Variants in CRIM1 observed in about 807,000 individuals in gnomAD.
The protein encoded by CRIM1 is cysteine rich transmembrane BMP regulator 1, also known as cysteine-rich motor neuron 1 protein.
In CRIM1, 32 loss-of-function variants were observed where a neutral mutation model predicts 116.4. The ratio of observed to expected loss-of-function variants is 0.27; its 90% CI spans 0.21 to 0.37. CRIM1 has a LOEUF of 0.37. Ranked by LOEUF, CRIM1 falls within the 10% of genes least tolerant of loss-of-function variation. The probability of loss-of-function intolerance (pLI) is 1.00; values close to 1 mark genes in which losing one functional copy is unlikely to be tolerated. For synonymous variants in CRIM1, 590 were observed against 509.2 expected, an observed-to-expected ratio of 1.16 and a Z score of -2.13; for missense variants, 1,331 against 1,354.8, an observed-to-expected ratio of 0.98 and a Z score of 0.28.
intron 14 of CRIM1, among the ~76,000 whole-genome samples, chr2:36,541,697 A>G (rs992443232): frequency 6.6e-6 from 1 of 152,218 alleles, no homozygotes; most frequent in Non-Finnish European, 1.5e-5. Flanking sequence ...GCGCAGGTCA[A>G]GTATGAGCAC....
intron 9 of CRIM1, 28 bp downstream of exon 9, chr2:36,510,167 A>G (rs768277117): frequency 1.3e-6 from 2 of 1,597,262 alleles, no homozygotes; most frequent in African/African-American, 1.3e-5. Flanking sequence ...CAGAAAAGCT[A>G]TTATGAAGTG....
At chr2:36,513,799 G>C in intron 11 of CRIM1, 34 bp downstream of exon 11, 1 of 1,590,846 alleles carries the variant, frequency 6.3e-7, no homozygotes, top group Non-Finnish European at 8.6e-7. Context: ...TGCTCCATAA[G>C]CAAATGACTT....
chr2:36,356,712 T>C lies in CRIM1; in HGVS notation c.331+89T>C, dbSNP rs1050730549. Reference sequence around the variant, plus strand: ...GCCGAACAAAGTTTGGGCGAGACTTTCTGGAGGAAAGAGGGCTCTGCGGGA... The same window carrying C: ...GCCGAACAAAGTTTGGGCGAGACTTCCTGGAGGAAAGAGGGCTCTGCGGGA... On this transcript the variant is annotated intron_variant, in intron 1 of 16. Transcript: ENST00000280527. The surrounding 1 kb of genome is among the most constrained non-coding windows in gnomAD (Gnocchi z 4.3). 6 of 1,332,050 alleles carry C rather than the reference T, an allele frequency of 4.5e-6. No individual in the cohort carries two copies. Among genetic ancestry groups the C allele is most frequent in the Admixed American group, 4.5e-5 (2 of 44,464 alleles). 82.5% of individuals were successfully genotyped at this position (1,332,050 alleles called of 1,614,324 possible).
At chr2:36,542,366 T>C (rs896923818) in intron 14 of CRIM1, among the ~76,000 whole-genome samples, 2 of 152,238 alleles carry the variant, frequency 1.3e-5, no homozygotes, top group African/African-American at 4.8e-5. Context: ...CTTCTAACTT[T>C]CCCTGCTGTT....
At chr2:36,441,596 A>G (rs1221174541) in intron 3 of CRIM1, 96 bp downstream of exon 3, 1 of 1,467,394 alleles carries the variant, frequency 6.8e-7, no homozygotes. Flanking sequence ...TCACACGAAG[A>G]TGGGCCTTCT....
chr2:36,475,755 C>A (rs1678923882), intron 5 of CRIM1, among the ~76,000 whole-genome samples: 1 of 152,156 alleles, frequency 6.6e-6, no homozygotes, highest in African/African-American at 2.4e-5. Flanking sequence ...AAGTTCCGTT[C>A]TATTCCTAGT....
chr2:36,517,377 G>A lies in CRIM1; in HGVS notation c.2041G>A (p.Ala681Thr), dbSNP rs757763520. Residue 681 changes from alanine (A) to threonine (T), a missense_variant, in exon 12 of 17, where the codon GCC becomes ACC. Coordinates refer to ENST00000280527, the MANE Select transcript of CRIM1 (RefSeq NM_016441.3). ...GCTCAGTACTCCCTCCATTTGCCAC[G>A]CCCCTGGAGGAGAATACTTTGTGGA... The part of the protein sequence containing the change: ...PELSTPSICH[A>T]PGGEYFVEGE... 1.9e-5 allele frequency: 31 copies of A among 1,614,044 alleles called. No homozygotes were observed. The Admixed American group carries it at 2.7e-4, about 14-fold the overall frequency.
At chr2:36,393,915 G>T (rs139748630) in intron 1 of CRIM1, among the ~76,000 whole-genome samples, 172 of 152,310 alleles carry the variant, frequency 1.1e-3, no homozygotes, top group African/African-American at 3.9e-3. Flanking sequence ...GCAGTAAGAA[G>T]CTGGGACATT....
rs560250368 is a variant in CRIM1, at chr2:36,549,992, C to G, written c.*1291C>G. ...ACAAATTTTTTGAATAACACAAAAT[C>G]TCATTCTACCTGCAGTTTAATTGGA... is the stretch of plus-strand genomic sequence containing the variant. On this transcript the variant is annotated 3_prime_UTR_variant, in exon 17 of 17. Transcript: ENST00000280527. 1 of 152,522 alleles carries G rather than the reference C, an allele frequency of 6.6e-6. No homozygotes were observed. Among genetic ancestry groups the G allele is most frequent in the Admixed American group, 6.6e-5 (1 of 15,252 alleles). The allele number at this position is 152,522 out of a possible 1,614,324, so 9.4% of individuals were successfully genotyped here. A position where few individuals can be genotyped will look rare whatever the true frequency, so the allele number is the denominator to read the frequency against.
intron 5 of CRIM1, among the ~76,000 whole-genome samples, chr2:36,475,853 CTTA>C (rs1678934723): frequency 6.6e-6 from 1 of 152,076 alleles, no homozygotes; most frequent in South Asian, 2.1e-4. Context: ...GCTTTTTTTC[CTTA>C]TTGTGTGACA....
At chr2:36,414,604 C>T (rs2192920) in intron 2 of CRIM1, among the ~76,000 whole-genome samples, 30,318 of 152,072 alleles carry the variant, frequency 0.2, 4,190 homozygotes, top group East Asian at 0.55. Flanking sequence ...GAAAGTCTCT[C>T]CTCTGAAGAG....
At chr2:36,380,475 A>G (rs761992999) in intron 1 of CRIM1, among the ~76,000 whole-genome samples, 1 of 152,102 alleles carries the variant, frequency 6.6e-6, no homozygotes, top group African/African-American at 2.4e-5. Context: ...GCTTAATTTC[A>G]TAAGCCTTGG....
intron 7 of CRIM1, among the ~76,000 whole-genome samples, chr2:36,481,560 T>G (rs1445533519): frequency 6.6e-6 from 1 of 152,214 alleles, no homozygotes; most frequent in African/African-American, 2.4e-5. Flanking sequence ...GAGTTTTGAA[T>G]TAAACCAGAA....
intron 5 of CRIM1, among the ~76,000 whole-genome samples, chr2:36,469,758 T>C (rs1275697200): frequency 1.3e-5 from 2 of 152,196 alleles, no homozygotes; most frequent in East Asian, 1.9e-4. Context: ...AATGGAGATA[T>C]TCTGGCACTT....
intron 4 of CRIM1, among the ~76,000 whole-genome samples, chr2:36,453,214 CTAAT>C (rs1298394380): frequency 1.3e-5 from 2 of 152,176 alleles, no homozygotes; most frequent in African/African-American, 4.8e-5. Context: ...CATTTAATTG[CTAAT>C]TAGAACCCAG....
chr2:36,513,258 TA>T (rs1664807132), intron 10 of CRIM1: 1 of 326,644 alleles, frequency 3.1e-6, no homozygotes, highest in Admixed American at 4.5e-5. Flanking sequence ...AAATTTGTTA[TA>T]AAATCAGTGC....
At chr2:36,433,266 A>G (rs779935407) in intron 2 of CRIM1, among the ~76,000 whole-genome samples, 3 of 152,230 alleles carry the variant, frequency 2.0e-5, no homozygotes, top group Non-Finnish European at 4.4e-5. Flanking sequence ...CTACTGGTCT[A>G]GGGGCCACAC....
intron 2 of CRIM1, among the ~76,000 whole-genome samples, chr2:36,433,587 C>T (rs774578856): frequency 6.6e-6 from 1 of 152,112 alleles, no homozygotes; most frequent in Non-Finnish European, 1.5e-5. Context: ...AATAGAATCA[C>T]CCTGGGAGCT....
intron 14 of CRIM1, among the ~76,000 whole-genome samples, chr2:36,541,134 A>G (rs994818248): frequency 6.6e-6 from 1 of 152,220 alleles, no homozygotes; most frequent in South Asian, 2.1e-4. Context: ...CCATTCTTGC[A>G]TCGGTTCATT....
Sources: gnomAD v4.1 joint callset for allele counts (sites outside exome capture counted in the v4.1 genomes callset) on GRCh38, gnomAD v4.1.1 for gene constraint, Gnocchi (gnomAD v3.1) non-coding constraint, MANE v1.5 for transcripts, NCBI Gene and HGNC (gene_info 2026-07-23, HGNC 2026-07-21) for gene names.